The following NXPH2 variants were observed in gnomAD, a reference collection of about 807,000 sequenced individuals.
NXPH2 encodes the protein neurexophilin-2.
NXPH2 carries 5 observed loss-of-function variants against 19.8 expected under a neutral mutation model. The ratio of observed to expected loss-of-function variants is 0.25; its 90% CI spans 0.13 to 0.53. The LOEUF (loss-of-function observed/expected upper bound fraction) is 0.53. Among genes scored for constraint, NXPH2 ranks in the 20% least tolerant of loss-of-function variants. NXPH2 has a pLI of 0.96. For missense variants in NXPH2, 289 were observed against 322.8 expected (o/e 0.90, Z 0.80); for synonymous variants, 154 against 127.4 (o/e 1.21, Z -1.41).
At chr2:138,742,358 G>A (rs559390025) in intron 1 of NXPH2, among the ~76,000 whole-genome samples, 2 of 151,974 alleles carry the variant, frequency 1.3e-5, no homozygotes, top group Admixed American at 6.5e-5. Flanking sequence ...TTTTAACACA[G>A]CATATTTGGA....
chr2:138,716,599 G>T (rs752059515), intron 1 of NXPH2, among the ~76,000 whole-genome samples: 3 of 152,192 alleles, frequency 2.0e-5, no homozygotes, highest in Non-Finnish European at 4.4e-5. Flanking sequence ...TGTTGTTACA[G>T]CAGCCTGAGA....
intron 1 of NXPH2, among the ~76,000 whole-genome samples, chr2:138,699,565 G>T (rs1454886912): frequency 6.6e-6 from 1 of 152,128 alleles, no homozygotes; most frequent in Admixed American, 6.5e-5. Flanking sequence ...CCTAGGGGCA[G>T]CGGTGAGACT....
intron 1 of NXPH2, among the ~76,000 whole-genome samples, chr2:138,764,557 T>C (rs946806823): frequency 6.6e-6 from 1 of 152,324 alleles, no homozygotes; most frequent in South Asian, 2.1e-4. Flanking sequence ...AGGACAGCAA[T>C]GGTGAAACAT....
At chr2:138,718,641 GAA>G (rs1681229096) in intron 1 of NXPH2, among the ~76,000 whole-genome samples, 1 of 152,136 alleles carries the variant, frequency 6.6e-6, no homozygotes, top group African/African-American at 2.4e-5. Context: ...AAAAGGAAAT[GAA>G]AAGAGAAGCC....
intron 1 of NXPH2, among the ~76,000 whole-genome samples, chr2:138,765,476 A>C (rs1318561667): frequency 6.6e-6 from 1 of 152,224 alleles, no homozygotes; most frequent in Non-Finnish European, 1.5e-5. Flanking sequence ...GGGTACCTTC[A>C]CAGATACATT....
chr2:138,713,862 C>T (rs1275445568), intron 1 of NXPH2, among the ~76,000 whole-genome samples: 1 of 152,012 alleles, frequency 6.6e-6, no homozygotes, highest in African/African-American at 2.4e-5. Flanking sequence ...CTGAACAATC[C>T]TCCAGATACT....
chr2:138,669,245 A>G lies in NXPH2; in HGVS notation c.*1677T>C, dbSNP rs766525726. ...TACACAGAAAATTCTAAGTATATAT[A>G]TATAGATATATGATTCCCACATATT... On this transcript the variant is annotated 3_prime_UTR_variant, in exon 2 of 2. Coordinates refer to ENST00000272641, the MANE Select transcript of NXPH2 (RefSeq NM_007226.3). Among the ~76,000 whole-genome samples, 41 of 152,142 alleles carry G rather than the reference A, an allele frequency of 2.7e-4. No homozygotes were observed. Among genetic ancestry groups the G allele is most frequent in the Non-Finnish European group, 4.3e-4 (29 of 68,022 alleles).
intron 1 of NXPH2, among the ~76,000 whole-genome samples, chr2:138,711,172 G>A (rs575106354): frequency 4.1e-3 from 230 of 55,500 alleles, no homozygotes; most frequent in Admixed American, 8.4e-3. Context: ...ATTGAGTCTC[G>A]CTCTGTCACC....
At chr2:138,723,299 TA>T (rs370397290) in intron 1 of NXPH2, among the ~76,000 whole-genome samples, 1 of 152,096 alleles carries the variant, frequency 6.6e-6, no homozygotes, top group Non-Finnish European at 1.5e-5. Flanking sequence ...GGGGAAATTT[TA>T]AAAAAATTCA....
chr2:138,755,610 G>A (rs1317978609), intron 1 of NXPH2, among the ~76,000 whole-genome samples: 2 of 152,044 alleles, frequency 1.3e-5, no homozygotes, highest in Non-Finnish European at 2.9e-5. Context: ...ATCAGGTAAT[G>A]TGAGCCCTTC....
chr2:138,740,503 T>C (rs890386433), intron 1 of NXPH2, among the ~76,000 whole-genome samples: 1 of 152,198 alleles, frequency 6.6e-6, no homozygotes, highest in African/African-American at 2.4e-5. Context: ...AAATTAATTT[T>C]ATCTAGGGTA....
At chr2:138,758,027 G>A (rs940431135) in intron 1 of NXPH2, among the ~76,000 whole-genome samples, 4 of 152,074 alleles carry the variant, frequency 2.6e-5, no homozygotes, top group African/African-American at 9.7e-5. Context: ...GAAGCACAAG[G>A]ATGAATGAAC....
chr2:138,712,342 G>T (rs532363050), intron 1 of NXPH2, among the ~76,000 whole-genome samples: 1 of 152,208 alleles, frequency 6.6e-6, no homozygotes, highest in Admixed American at 6.5e-5. Context: ...CTGGCTTGAT[G>T]AGTCAAAACA....
chr2:138,770,954 A>C (rs1302445289), intron 1 of NXPH2, among the ~76,000 whole-genome samples: 1 of 152,148 alleles, frequency 6.6e-6, no homozygotes, highest in Non-Finnish European at 1.5e-5. Flanking sequence ...ACAATGAAGT[A>C]CTTTCCTTTA....
chr2:138,685,779 T>C (rs566152303), intron 1 of NXPH2, among the ~76,000 whole-genome samples: 1 of 152,324 alleles, frequency 6.6e-6, no homozygotes, highest in Non-Finnish European at 1.5e-5. Context: ...CTATATAAGG[T>C]TACTTGATGG....
intron 1 of NXPH2, among the ~76,000 whole-genome samples, chr2:138,771,839 T>C (rs574606017): frequency 1.3e-5 from 2 of 152,312 alleles, no homozygotes; most frequent in South Asian, 4.1e-4. Context: ...TGGCTCTGAG[T>C]GCATTCTGGC....
chr2:138,780,060 C>A, intron 1 of NXPH2, 131 bp downstream of exon 1: 1 of 875,896 alleles, frequency 1.1e-6, no homozygotes, highest in Non-Finnish European at 1.6e-6. Context: ...CCCAAAACTC[C>A]TTGCCCTCCG....
chr2:138,748,291 G>A (rs1208446053), intron 1 of NXPH2, among the ~76,000 whole-genome samples: 1 of 152,150 alleles, frequency 6.6e-6, no homozygotes, highest in African/African-American at 2.4e-5. Context: ...GACTCAGTGA[G>A]GACTGCTGTA....
rs141514533 is a variant in NXPH2, at chr2:138,726,007, C to T, written c.51+54184G>A. Among the ~76,000 whole-genome samples, 13 of 152,194 alleles carry T rather than the reference C, an allele frequency of 8.5e-5. 2 individuals are homozygous for T. Among genetic ancestry groups the T allele is most frequent in the African/African-American group, 3.1e-4 (13 of 41,540 alleles). On this transcript the variant is annotated intron_variant, in intron 1 of 1. Coordinates refer to ENST00000272641, the MANE Select transcript of NXPH2 (RefSeq NM_007226.3). ...CTTTTTCTCTTCAGCATTCATAACA[C>T]CTCCCAAAGCGTGGCCAACTTAGAA...
Sources: allele counts gnomAD v4.1 joint callset (sites outside exome capture counted in the v4.1 genomes callset), GRCh38; gene constraint gnomAD v4.1.1; transcripts MANE v1.5; gene names NCBI Gene and HGNC (gene_info 2026-07-23, HGNC 2026-07-21).